CASK: variants seen among roughly 807,000 people sequenced by gnomAD.
The protein encoded by CASK is peripheral plasma membrane protein CASK.
A neutral mutation model predicts 82.9 loss-of-function variants in CASK; 4 were observed. That is an observed-to-expected ratio of 0.05 (90% confidence interval 0.02 to 0.11). The LOEUF (loss-of-function observed/expected upper bound fraction) is 0.11, where lower values mean the gene tolerates loss of function less well. CASK is among the 10% of genes least tolerant of loss of function. The probability of loss-of-function intolerance (pLI) is 1.00; values close to 1 mark genes in which losing one functional copy is unlikely to be tolerated. For synonymous variants in CASK, 259 were observed against 253.5 expected (o/e 1.02, Z -0.20); for missense variants, 358 against 720.9 (o/e 0.50, Z 5.76).
At chrX:41,889,178 C>A (rs1440377334) in intron 1 of CASK, among the ~76,000 whole-genome samples, 3 of 107,502 alleles carry the variant, frequency 2.8e-5, no homozygotes, top group Admixed American at 1.0e-4. Flanking sequence ...AAAAAAGGCA[C>A]GTTATCTGAG....
At chrX:41,672,225 C>T (rs2067205839) in intron 5 of CASK, among the ~76,000 whole-genome samples, 1 of 111,225 alleles carries the variant, frequency 9.0e-6, no homozygotes, top group Non-Finnish European at 1.9e-5. Flanking sequence ...AGGGCAAAGA[C>T]ATCCTCTCCC....
At chrX:41,564,048 C>T (rs1459234688) in intron 16 of CASK, among the ~76,000 whole-genome samples, 1 of 111,969 alleles carries the variant, frequency 8.9e-6, no homozygotes, top group Non-Finnish European at 1.9e-5. Flanking sequence ...ATAAACAAAA[C>T]ATTAGCAGAC....
chrX:41,548,244 C>T (rs2065050168), intron 21 of CASK, among the ~76,000 whole-genome samples: 3 of 111,433 alleles, frequency 2.7e-5, no homozygotes, highest in African/African-American at 9.8e-5. Flanking sequence ...AATGCTGAAC[C>T]AGCTATGCAT....
intron 22 of CASK, among the ~76,000 whole-genome samples, chrX:41,539,884 C>G (rs1249425373): frequency 3.6e-5 from 4 of 111,522 alleles, no homozygotes; most frequent in Non-Finnish European, 7.5e-5. Flanking sequence ...TTCAGAAAGT[C>G]AAGGAAAAAA....
intron 5 of CASK, among the ~76,000 whole-genome samples, chrX:41,672,043 C>A (rs762849774): frequency 9.0e-6 from 1 of 111,028 alleles, no homozygotes; most frequent in African/African-American, 3.3e-5. Context: ...ACCCTTAAGC[C>A]AAGGAGTACT....
chrX:41,842,209 ATTCAAT>A (rs2071053273), intron 2 of CASK, among the ~76,000 whole-genome samples: 1 of 111,606 alleles, frequency 9.0e-6, no homozygotes, highest in Admixed American at 9.6e-5. Flanking sequence ...TGGATTGTTA[ATTCAAT>A]TTCATCAATC....
At chrX:41,524,058 ATCCCGACTT>A in intron 25 of CASK, 24 bp from the exon 26 acceptor site, 5 of 1,009,127 alleles carry the variant, frequency 5.0e-6, no homozygotes, top group Non-Finnish European at 6.9e-6. Flanking sequence ...AAAAAAAAAA[ATCCCGACTT>A]AAAAGAAGAA....
At chrX:41,542,541 G>C in intron 22 of CASK, 150 bp downstream of exon 22, 1 of 461,151 alleles carries the variant, frequency 2.2e-6, no homozygotes, top group South Asian at 3.3e-5. Context: ...TTGGAGGTAG[G>C]GGTTTCTTAA....
At chrX:41,908,477 T>G (rs758568921) in intron 1 of CASK, among the ~76,000 whole-genome samples, 1 of 111,588 alleles carries the variant, frequency 9.0e-6, no homozygotes, top group Non-Finnish European at 1.9e-5. Flanking sequence ...CAGTAAGAAT[T>G]GGGAAAAATG....
chrX:41,561,792 T>C, intron 16 of CASK, 148 bp from the exon 17 acceptor site: 1 of 484,726 alleles, frequency 2.1e-6, no homozygotes, highest in Non-Finnish European at 3.6e-6. Context: ...TGCAGCAGAA[T>C]TATTTAACTC....
intron 11 of CASK, among the ~76,000 whole-genome samples, chrX:41,622,133 T>C (rs12855255): frequency 3.6e-5 from 4 of 112,228 alleles, no homozygotes; most frequent in South Asian, 3.7e-4. Context: ...AAATGTTCTA[T>C]CTGATGGTAA....
At chrX:41,820,007 T>A (rs930683990) in intron 2 of CASK, among the ~76,000 whole-genome samples, 2 of 112,086 alleles carry the variant, frequency 1.8e-5, no homozygotes, top group African/African-American at 6.5e-5. Context: ...TATTGAATTG[T>A]ATGTCCTAGC....
intron 1 of CASK, among the ~76,000 whole-genome samples, chrX:41,896,442 A>G (rs2072272125): frequency 8.9e-6 from 1 of 112,614 alleles, no homozygotes; most frequent in African/African-American, 3.2e-5. Flanking sequence ...TATAGGGAAA[A>G]GACAATGTTA....
intron 1 of CASK, among the ~76,000 whole-genome samples, chrX:41,891,812 TGGG>T (rs1487846335): frequency 1.8e-5 from 2 of 111,651 alleles, no homozygotes; most frequent in Non-Finnish European, 3.8e-5. Context: ...AAGAGCAAAA[TGGG>T]GGAAAAACAA....
At chrX:41,571,187 C>T (rs2065406461) in intron 15 of CASK, among the ~76,000 whole-genome samples, 1 of 111,187 alleles carries the variant, frequency 9.0e-6, no homozygotes, top group South Asian at 3.7e-4. Flanking sequence ...CTAGGATGAG[C>T]TGGGAAAAAT....
chrX:41,524,058 ATCCCG>A, intron 25 of CASK, 24 bp from the exon 26 acceptor site: 1 of 1,009,080 alleles, frequency 9.9e-7, no homozygotes, highest in Non-Finnish European at 1.4e-6. Context: ...AAAAAAAAAA[ATCCCG>A]ACTTAAAAGA....
At chrX:41,541,474 A>C (rs1024078020) in intron 22 of CASK, among the ~76,000 whole-genome samples, 2 of 112,489 alleles carry the variant, frequency 1.8e-5, no homozygotes, top group Non-Finnish European at 3.8e-5. Context: ...GCCATTATGA[A>C]ACTACTGCTC....
At chrX:41,902,289 T>C (rs943120248) in intron 1 of CASK, among the ~76,000 whole-genome samples, 1 of 112,052 alleles carries the variant, frequency 8.9e-6, no homozygotes, top group East Asian at 2.8e-4. Flanking sequence ...CTCTTACAGT[T>C]CTGATCAGAG....
At chrX:41,920,862 A>AT (rs2072768519) in intron 1 of CASK, among the ~76,000 whole-genome samples, 2 of 112,007 alleles carry the variant, frequency 1.8e-5, no homozygotes, top group Non-Finnish European at 3.8e-5. Flanking sequence ...TTAATCTCAC[A>AT]TTTTCCAATT....
Sources: allele counts gnomAD v4.1 joint callset (sites outside exome capture counted in the v4.1 genomes callset), GRCh38; gene constraint gnomAD v4.1.1; transcripts MANE v1.5; gene names NCBI Gene and HGNC (gene_info 2026-07-23, HGNC 2026-07-21).